The following PBX3 variants were observed in gnomAD, a reference collection of about 807,000 sequenced individuals.
PBX3 encodes the protein pre-B-cell leukemia transcription factor 3.
Under a neutral mutation model 48.5 loss-of-function variants are expected in PBX3, and 14 were observed. The ratio of observed to expected loss-of-function variants is 0.29; its 90% confidence interval spans 0.19 to 0.45. The LOEUF (loss-of-function observed/expected upper bound fraction) is 0.45. Among genes scored for constraint, PBX3 ranks in the 20% least tolerant of loss-of-function variants. The pLI, the probability that PBX3 is intolerant of heterozygous loss-of-function variation, is 1.00. For synonymous variants in PBX3, 210 were observed against 200.3 expected, an observed-to-expected ratio of 1.05 and a Z score of -0.41; for missense variants, 386 against 546.7, an observed-to-expected ratio of 0.71 and a Z score of 2.93.
chr9:125,889,771 G>C (rs1248146364), intron 2 of PBX3, among the ~76,000 whole-genome samples: 1 of 149,988 alleles, frequency 6.7e-6, no homozygotes, highest in Non-Finnish European at 1.5e-5. Flanking sequence ...GAGCGGGGCC[G>C]GGCCGCGGGG....
At chr9:125,855,300 A>C (rs1016508960) in intron 2 of PBX3, among the ~76,000 whole-genome samples, 3 of 152,104 alleles carry the variant, frequency 2.0e-5, no homozygotes, top group Non-Finnish European at 4.4e-5. Flanking sequence ...ATTTTTATTA[A>C]CTTTTTTTTA....
intron 2 of PBX3, among the ~76,000 whole-genome samples, chr9:125,751,281 T>C (rs989590070): frequency 6.6e-6 from 1 of 152,200 alleles, no homozygotes; most frequent in Non-Finnish European, 1.5e-5. Context: ...GTCATTTCAG[T>C]TGTGCTTTTC....
intron 2 of PBX3, among the ~76,000 whole-genome samples, chr9:125,836,806 T>A (rs570183388): frequency 6.6e-6 from 1 of 152,348 alleles, no homozygotes; most frequent in African/African-American, 2.4e-5. Context: ...AACATTTTTT[T>A]AAGAGTCAAA....
chr9:125,750,001 C>T (rs1394436378), intron 2 of PBX3, among the ~76,000 whole-genome samples: 1 of 152,168 alleles, frequency 6.6e-6, no homozygotes, highest in East Asian at 1.9e-4. Context: ...TGATTTTTAG[C>T]TACCTTTAGA....
chr9:125,935,376 G>C, intron 4 of PBX3, 96 bp from the exon 5 acceptor site: 1 of 1,070,798 alleles, frequency 9.3e-7, no homozygotes. Context: ...TGTTTAAAAA[G>C]AGAAATCTAC....
At chr9:125,773,552 T>C (rs1310231704) in intron 2 of PBX3, among the ~76,000 whole-genome samples, 5 of 152,220 alleles carry the variant, frequency 3.3e-5, no homozygotes, top group Non-Finnish European at 7.3e-5. Context: ...GTTTACTGTT[T>C]TGTCCTCTGG....
intron 2 of PBX3, among the ~76,000 whole-genome samples, chr9:125,912,518 T>C (rs905851059): frequency 7.6e-4 from 116 of 152,288 alleles, no homozygotes; most frequent in African/African-American, 2.7e-3. Context: ...ATGCAAAAAC[T>C]GTAGGCTTAT....
chr9:125,883,435 C>A (rs577788321), intron 2 of PBX3, among the ~76,000 whole-genome samples: 1 of 152,306 alleles, frequency 6.6e-6, no homozygotes, highest in Non-Finnish European at 1.5e-5. Context: ...CATTTTCAAT[C>A]ATTCTTGTCA....
chr9:125,802,062 C>T (rs1837965561), intron 2 of PBX3, among the ~76,000 whole-genome samples: 1 of 152,112 alleles, frequency 6.6e-6, no homozygotes, highest in Non-Finnish European at 1.5e-5. Flanking sequence ...AATCCTATCT[C>T]AACAACAACA....
chr9:125,935,366 T>A (rs1841813313), intron 4 of PBX3, 106 bp from the exon 5 acceptor site: 1 of 915,300 alleles, frequency 1.1e-6, no homozygotes, highest in Admixed American at 2.3e-5. Flanking sequence ...ACCTTAAGGA[T>A]GTTTAAAAAG....
At chr9:125,937,733 G>A (rs182189258) in intron 5 of PBX3, among the ~76,000 whole-genome samples, 17 of 152,282 alleles carry the variant, frequency 1.1e-4, no homozygotes, top group African/African-American at 4.1e-4. Context: ...TGTTATCACA[G>A]CTCACTGTAA....
chr9:125,931,277 C>T (rs910628573), intron 4 of PBX3, among the ~76,000 whole-genome samples: 2 of 152,082 alleles, frequency 1.3e-5, no homozygotes, highest in Non-Finnish European at 2.9e-5. Flanking sequence ...ATTGAAGTTA[C>T]CAAATGGATA....
Position 125,756,193 on chromosome 9 carries a change from T to C in PBX3, c.274+7570T>C, listed in dbSNP as rs368494334. Among the ~76,000 whole-genome samples the C allele has an allele frequency of 8.5e-5, 13 of 152,312 alleles. No individual in the cohort carries two copies. The East Asian group carries it at 1.2e-3, about 14-fold the overall frequency. On this transcript the variant is annotated intron_variant, in intron 2 of 8. Coordinates refer to ENST00000373489, the MANE Select transcript of PBX3 (RefSeq NM_006195.6). ...CCCTTTATACAACCTGTGGAATTTA[T>C]ATTTCAGCATATATCTTATAGGTAA...
chr9:125,885,000 C>G (rs550175275), intron 2 of PBX3, among the ~76,000 whole-genome samples: 7 of 152,108 alleles, frequency 4.6e-5, no homozygotes, highest in Non-Finnish European at 8.8e-5. Context: ...ATTCATTTTT[C>G]TCTTTGAACT....
At chr9:125,881,274 G>T (rs28402782) in intron 2 of PBX3, among the ~76,000 whole-genome samples, 1 of 152,204 alleles carries the variant, frequency 6.6e-6, no homozygotes, top group Non-Finnish European at 1.5e-5. Flanking sequence ...GCAGAGCTTG[G>T]CAGCTGGCAT....
At chr9:125,814,253 C>A (rs1838391984) in intron 2 of PBX3, among the ~76,000 whole-genome samples, 1 of 119,864 alleles carries the variant, frequency 8.3e-6, no homozygotes, top group African/African-American at 3.1e-5. Context: ...ACCTAGTGTT[C>A]TCGCAGTTAT....
At chr9:125,941,745 G>A (rs1346039127) in intron 5 of PBX3, among the ~76,000 whole-genome samples, 1 of 152,198 alleles carries the variant, frequency 6.6e-6, no homozygotes, top group Non-Finnish European at 1.5e-5. Context: ...TATGCATTGA[G>A]AATCATACTT....
intron 2 of PBX3, among the ~76,000 whole-genome samples, chr9:125,753,410 T>C (rs1836427869): frequency 1.3e-5 from 2 of 151,978 alleles, no homozygotes; most frequent in Non-Finnish European, 2.9e-5. Flanking sequence ...CCTAACAAAA[T>C]AGCACATATA....
chr9:125,924,298 C>T (rs1841522437), intron 3 of PBX3, among the ~76,000 whole-genome samples: 1 of 152,194 alleles, frequency 6.6e-6, no homozygotes, highest in South Asian at 2.1e-4. Context: ...TCACTATGGG[C>T]TTGACAGAAG....
Sources: allele counts gnomAD v4.1 joint callset (sites outside exome capture counted in the v4.1 genomes callset), GRCh38; gene constraint gnomAD v4.1.1; transcripts MANE v1.5; gene names NCBI Gene and HGNC (gene_info 2026-07-23, HGNC 2026-07-21).